Variants in SAMD14 observed in about 807,000 individuals in gnomAD.
SAMD14 encodes the protein sterile alpha motif domain containing 14.
Under a neutral mutation model 46.2 loss-of-function variants are expected in SAMD14, and 27 were observed. The observed-to-expected ratio is 0.58, with a 90% CI of 0.43 to 0.81. SAMD14 has a LOEUF of 0.81. Ranked by LOEUF, SAMD14 falls within the 30% of genes least tolerant of loss-of-function variation. The probability of loss-of-function intolerance (pLI) is 0.00; values close to 1 mark genes in which losing one functional copy is unlikely to be tolerated. For missense variants in SAMD14, 559 were observed against 582.2 expected (o/e 0.96, Z 0.41); for synonymous variants, 241 against 254.3 (o/e 0.95, Z 0.50).
In SAMD14 at chr17:50,130,020, G is replaced by A. The variant is rs1911963423; in HGVS notation, c.-516C>T. ...GAAGGGGCGTCGGGGTGGGGGGCGC[G>A]TGGCGGAGAAGCCGGGCGCCCAGGA... On this transcript the variant is annotated 5_prime_UTR_variant, in exon 1 of 10. In the 5' UTR this introduces an upstream ATG that the reference lacks. Coordinates refer to ENST00000330175, the MANE Select transcript of SAMD14 (RefSeq NM_001257359.2). The surrounding 1 kb of genome is among the most constrained non-coding windows in gnomAD (Gnocchi z 4.1). 6.6e-6 allele frequency: 1 copy of A among 151,642 alleles called. No homozygotes were observed. Among genetic ancestry groups the A allele is most frequent in the Admixed American group, 6.6e-5 (1 of 15,242 alleles). The allele number at this position is 151,642 out of a possible 1,614,324, so 9.4% of individuals were successfully genotyped here.
intron 4 of SAMD14, among the ~76,000 whole-genome samples, chr17:50,116,768 C>T (rs72840631): frequency 0.021 from 3,149 of 152,260 alleles, 44 homozygotes; most frequent in Non-Finnish European, 0.034. Flanking sequence ...CCAGGATGTT[C>T]CTAGCCAGGC....
chr17:50,119,347 AAG>A (rs1911393475), intron 2 of SAMD14, among the ~76,000 whole-genome samples: 1 of 152,112 alleles, frequency 6.6e-6, no homozygotes, highest in South Asian at 2.1e-4. Context: ...TCCAAACAGA[AAG>A]AGTCTTCCCA....
chr17:50,110,194 G>T lies in SAMD14; in HGVS notation c.*2699C>A. ...CATCCTCCTGGGGGAGCAGGGGGTGGGTTCTCCCTGATGACCAGGTTCTGT... is the reference window on the plus strand; with the variant it reads ...CATCCTCCTGGGGGAGCAGGGGGTGTGTTCTCCCTGATGACCAGGTTCTGT... On this transcript the variant is annotated 3_prime_UTR_variant, in exon 10 of 10. Coordinates refer to ENST00000330175, the MANE Select transcript of SAMD14 (RefSeq NM_001257359.2). The T allele has an allele frequency of 7.5e-7, 1 of 1,327,832 alleles. No homozygotes were observed. The highest frequency in any genetic ancestry group is 1.0e-6 in the Non-Finnish European group (1 of 988,386). 82.3% of individuals were successfully genotyped at this position (1,327,832 alleles called of 1,614,324 possible).
Position 50,112,787 on chromosome 17 carries a change from C to A in SAMD14, c.*106G>T. On this transcript the variant is annotated 3_prime_UTR_variant, in exon 10 of 10. Coordinates refer to ENST00000330175, the MANE Select transcript of SAMD14 (RefSeq NM_001257359.2). The stretch of plus-strand genomic sequence containing the variant: ...GCATGTCCCCCCTGAGAGCGTGGGA[C>A]CAGGCTAGCCCAAGTGCAGCGCCCA... 2 of 1,343,932 alleles carry A rather than the reference C, an allele frequency of 1.5e-6. No individual in the cohort carries two copies. Among genetic ancestry groups the A allele is most frequent in the Middle Eastern group, 5.4e-4 (2 of 3,696 alleles). 83.3% of individuals were successfully genotyped at this position (1,343,932 alleles called of 1,614,324 possible).
Position 50,115,770 on chromosome 17 carries a change from C to T in SAMD14, c.663-47G>A. ...TGGGTGTGGGTACAGAGGGGAGGAC[C>T]AGAGCACATGGGGAGCCAGGGGCGG... On this transcript the variant is annotated intron_variant, in intron 6 of 9. Transcript: ENST00000330175. The surrounding 1 kb of genome is among the most constrained non-coding windows in gnomAD (Gnocchi z 5.3). The T allele has an allele frequency of 6.2e-7, 1 of 1,613,376 alleles. No individual in the cohort carries two copies. The highest frequency in any genetic ancestry group is 2.2e-5 in the East Asian group (1 of 44,888).
In SAMD14 at chr17:50,129,194, G is replaced by C. The variant is rs1285762236; in HGVS notation, c.-13+323C>G. On this transcript the variant is annotated intron_variant, in intron 1 of 9. Transcript: ENST00000330175. The surrounding 1 kb of genome is among the most constrained non-coding windows in gnomAD (Gnocchi z 5.6). ...CTCAGAGCCCTTCTCCCCAGTCAGA[G>C]CCCGGTGGCTAGTTTCTCTCCAAAC... Among the ~76,000 whole-genome samples, 1 of 152,090 alleles carries C rather than the reference G, an allele frequency of 6.6e-6. No individual in the cohort carries two copies. The highest frequency in any genetic ancestry group is 6.5e-5 in the Admixed American group (1 of 15,278).
Position 50,128,353 on chromosome 17 carries a change from T to A in SAMD14, c.-13+1164A>T, listed in dbSNP as rs557072258. 2.0e-5 allele frequency among the ~76,000 whole-genome samples: 3 copies of A among 152,082 alleles called. No individual in the cohort carries two copies. In the South Asian group the frequency reaches 6.2e-4, roughly 32 times the overall value. Reference sequence around the variant, plus strand: ...CTTTCTGGGGTGTGTAGGGGGACCCTCCCTACATTGTGTCCAGGGGGTCAC... The same window carrying A: ...CTTTCTGGGGTGTGTAGGGGGACCCACCCTACATTGTGTCCAGGGGGTCAC... On this transcript the variant is annotated intron_variant, in intron 1 of 9. Coordinates refer to ENST00000330175, the MANE Select transcript of SAMD14 (RefSeq NM_001257359.2).
In SAMD14 at chr17:50,115,233, G is replaced by A. The variant is rs1378630206; in HGVS notation, c.822+331C>T. On this transcript the variant is annotated intron_variant, in intron 7 of 9. Transcript: ENST00000330175. The surrounding 1 kb of genome is among the most constrained non-coding windows in gnomAD (Gnocchi z 5.3). ...AGCAGGTGGCCCAGCTCCTCACACA[G>A]GAGTGGGGTTAGAACTTAACCAGGC... 1.3e-5 allele frequency among the ~76,000 whole-genome samples: 2 copies of A among 152,192 alleles called. No homozygotes were observed. The highest frequency in any genetic ancestry group is 4.8e-5 in the African/African-American group (2 of 41,448).
intron 2 of SAMD14, among the ~76,000 whole-genome samples, chr17:50,120,051 T>C (rs1038371528): frequency 5.3e-5 from 8 of 152,126 alleles, no homozygotes; most frequent in Admixed American, 3.3e-4. Flanking sequence ...TGAAGGGATA[T>C]GATGTTTTGG....
chr17:50,118,246 C>A lies in SAMD14; in HGVS notation c.125G>T (p.Arg42Leu). 1 of 1,613,892 alleles carries A rather than the reference C, an allele frequency of 6.2e-7. No homozygotes were observed. The highest frequency in any genetic ancestry group is 8.5e-7 in the Non-Finnish European group (1 of 1,179,942). ...CCTGGAGCGGGATGGCCGGTGTCTCCGGCCCTTGGCCAACAGTTGGGCCCG... is the reference window on the plus strand; with the variant it reads ...CCTGGAGCGGGATGGCCGGTGTCTCAGGCCCTTGGCCAACAGTTGGGCCCG... ...KARAQLLAKG[R>L]RHRPSRSRLR... The change falls in exon 3 of 10, where the codon CGG becomes CTG. Residue 42 changes from arginine to leucine, a missense_variant. Physicochemically the swap from Arg to Leu is moderately radical, Grantham distance 102 (BLOSUM62 -2). Transcript: ENST00000330175.
rs1053633737 is a variant in SAMD14, at chr17:50,112,071, C to T, written c.*822G>A. 4 of 152,256 alleles carry T rather than the reference C, an allele frequency of 2.6e-5. No individual in the cohort carries two copies. Among genetic ancestry groups the T allele is most frequent in the African/African-American group, 9.7e-5 (4 of 41,426 alleles). 9.4% of individuals were successfully genotyped at this position (152,256 alleles called of 1,614,324 possible). A position where few individuals can be genotyped will look rare whatever the true frequency, so the allele number is the denominator to read the frequency against. ...TCCCTATCAGTTCCTGTTTGCTCAGCTCCCAAAGAGGACTTAGGTGCCCTC... is the reference window on the plus strand; with the variant it reads ...TCCCTATCAGTTCCTGTTTGCTCAGTTCCCAAAGAGGACTTAGGTGCCCTC... On this transcript the variant is annotated 3_prime_UTR_variant, in exon 10 of 10. Coordinates refer to ENST00000330175, the MANE Select transcript of SAMD14 (RefSeq NM_001257359.2).
In SAMD14 at chr17:50,115,957, AC is replaced by A. The variant is rs1437556265; in HGVS notation, c.587+45del. On this transcript the variant is annotated intron_variant, in intron 5 of 9. Coordinates refer to ENST00000330175, the MANE Select transcript of SAMD14 (RefSeq NM_001257359.2). This position sits in a 1 kb window ranked among gnomAD's most constrained non-coding sequence, Gnocchi z 5.3. ...AGGGCTGCCCACTGTGCTACCCCTT[AC>A]CCCAGCAGCTCCAAGCCCTGCGATC... is the stretch of plus-strand genomic sequence containing the variant. 6.2e-7 allele frequency: 1 copy of A among 1,612,566 alleles called. No homozygotes were observed. Among genetic ancestry groups the A allele is most frequent in the African/African-American group, 1.3e-5 (1 of 74,804 alleles).
In SAMD14 at chr17:50,110,862, C is replaced by T. The variant is rs1910794133; in HGVS notation, c.*2031G>A. The T allele has an allele frequency of 6.6e-6, 1 of 152,514 alleles. No homozygotes were observed. The highest frequency in any genetic ancestry group is 1.5e-5 in the Non-Finnish European group (1 of 68,228). 9.4% of individuals were successfully genotyped at this position (152,514 alleles called of 1,614,324 possible). On this transcript the variant is annotated 3_prime_UTR_variant, in exon 10 of 10. Transcript: ENST00000330175. ...TCCATCCTGCCTGAGCTCCAGCCCC[C>T]AGCCCCCACTGTGCCCAGACATGTG...
chr17:50,118,094 T>C, intron 3 of SAMD14, 67 bp downstream of exon 3: 2 of 1,487,470 alleles, frequency 1.3e-6, no homozygotes, highest in South Asian at 2.6e-5. Flanking sequence ...TCTGGAGAGA[T>C]TATCCAGGGG....
chr17:50,120,116 T>G (rs1337696938), intron 2 of SAMD14, among the ~76,000 whole-genome samples: 1 of 152,186 alleles, frequency 6.6e-6, no homozygotes, highest in African/African-American at 2.4e-5. Flanking sequence ...GGGATAGATA[T>G]GAAACTAGAC....
intron 4 of SAMD14, 120 bp from the exon 5 acceptor site, chr17:50,116,210 C>T: frequency 2.8e-6 from 4 of 1,438,298 alleles, no homozygotes; most frequent in Non-Finnish European, 3.7e-6. Flanking sequence ...GCTCTGGTGG[C>T]CTTCACTAGC....
chr17:50,124,139 C>T (rs772171159), intron 2 of SAMD14: 53 of 456,150 alleles, frequency 1.2e-4, no homozygotes, highest in Admixed American at 3.5e-4. Context: ...ACTCCTCCAC[C>T]GGAATCCCGC....
intron 2 of SAMD14, among the ~76,000 whole-genome samples, chr17:50,124,686 C>G (rs1911659570): frequency 6.6e-6 from 1 of 151,944 alleles, no homozygotes; most frequent in Non-Finnish European, 1.5e-5. Context: ...TAAATGGAGA[C>G]CCTTATTGTT....
chr17:50,124,703 GGT>G (rs1230576759), intron 2 of SAMD14, among the ~76,000 whole-genome samples: 25 of 151,596 alleles, frequency 1.6e-4, no homozygotes, highest in African/African-American at 5.3e-4. Context: ...TGTTATAACT[GGT>G]GTGTCCACTA....
Sources: allele counts gnomAD v4.1 joint callset (sites outside exome capture counted in the v4.1 genomes callset), GRCh38; gene constraint gnomAD v4.1.1; non-coding constraint Gnocchi (gnomAD v3.1); transcripts MANE v1.5; gene names NCBI Gene and HGNC (gene_info 2026-07-23, HGNC 2026-07-21).